The following FAS variants were observed in gnomAD, a reference collection of about 807,000 sequenced individuals.
FAS encodes Fas cell surface death receptor.
Under a neutral mutation model 33.2 loss-of-function variants are expected in FAS, and 5 were observed. That is an observed-to-expected ratio of 0.15 (90% CI 0.08 to 0.32). FAS has a LOEUF of 0.32. FAS is among the 10% of genes least tolerant of loss of function. The pLI is 1.00. For missense variants in FAS, 339 were observed against 386.0 expected, an observed-to-expected ratio of 0.88 and a Z score of 1.02; for synonymous variants, 131 against 130.7, an observed-to-expected ratio of 1.00 and a Z score of -0.01.
intron 1 of FAS, among the ~76,000 whole-genome samples, chr10:88,991,814 T>G (rs1209620628): frequency 6.6e-6 from 1 of 152,168 alleles, no homozygotes; most frequent in Admixed American, 6.5e-5. Flanking sequence ...CAGCCTGTTT[T>G]GAAAAGTCCC....
chr10:88,994,853 C>T (rs912849185), intron 1 of FAS, among the ~76,000 whole-genome samples: 1 of 149,940 alleles, frequency 6.7e-6, no homozygotes, highest in Admixed American at 6.6e-5. Context: ...TTATAATTTA[C>T]TATTGAAAAA....
At chr10:89,014,017 A>G in intron 8 of FAS, 102 bp from the exon 9 acceptor site, 1 of 1,197,020 alleles carries the variant, frequency 8.4e-7, no homozygotes, top group Non-Finnish European at 1.2e-6. Flanking sequence ...TTTAGGACTT[A>G]GCTATATTCT....
At chr10:88,978,335 C>T (rs529436126) in intron 2 of FAS, among the ~76,000 whole-genome samples, 19 of 150,634 alleles carry the variant, frequency 1.3e-4, no homozygotes, top group African/African-American at 4.6e-4. Flanking sequence ...ACCAGCATGG[C>T]ACATGTATAC....
chr10:89,002,438 C>T lies in FAS; in HGVS notation c.31-591C>T, dbSNP rs142433916. The T allele has an allele frequency of 5.3e-3, 858 of 162,816 alleles. 7 individuals are homozygous for T. Among genetic ancestry groups the T allele is most frequent in the African/African-American group, 0.019 (808 of 41,650 alleles). 10.1% of individuals were successfully genotyped at this position (162,816 alleles called of 1,614,324 possible). A position where few individuals can be genotyped will look rare whatever the true frequency, so the allele number is the denominator to read the frequency against. On this transcript the variant is annotated intron_variant, in intron 1 of 8. Transcript: ENST00000652046. The stretch of plus-strand genomic sequence containing the variant: ...ATCAAGGAGGGCAGGGCACTATACC[C>T]GTAGGGGACTCTCTCTCTCCCTCTG...
At chr10:89,010,722 C>T in intron 5 of FAS, 31 bp from the exon 6 acceptor site, 1 of 1,613,380 alleles carries the variant, frequency 6.2e-7, no homozygotes, top group South Asian at 1.1e-5. Flanking sequence ...TGCTTATTTT[C>T]ATATAAAATG....
intron 2 of FAS, among the ~76,000 whole-genome samples, chr10:88,976,498 T>C (rs1846568020): frequency 6.6e-6 from 1 of 152,238 alleles, no homozygotes; most frequent in South Asian, 2.1e-4. Context: ...ATTTGAATAG[T>C]CCTTCCATTG....
chr10:89,014,010 A>T, intron 8 of FAS, 109 bp from the exon 9 acceptor site: 1 of 1,143,020 alleles, frequency 8.7e-7, no homozygotes, highest in Non-Finnish European at 1.3e-6. Context: ...ATAGACCTTT[A>T]GGACTTAGCT....
intron 2 of FAS, among the ~76,000 whole-genome samples, chr10:88,979,044 T>C (rs1327258498): frequency 6.6e-6 from 1 of 152,062 alleles, no homozygotes; most frequent in Non-Finnish European, 1.5e-5. Flanking sequence ...GTTTTATAAA[T>C]CAGAAAACTG....
At chr10:88,996,600 C>T (rs535665126) in intron 1 of FAS, among the ~76,000 whole-genome samples, 22 of 152,074 alleles carry the variant, frequency 1.4e-4, no homozygotes, top group African/African-American at 4.8e-4. Flanking sequence ...TAAGTGTTCT[C>T]GCCACACACA....
intron 2 of FAS, 127 bp from the exon 3 acceptor site, chr10:89,007,573 C>G: frequency 8.1e-7 from 1 of 1,232,074 alleles, no homozygotes; most frequent in Non-Finnish European, 1.1e-6. Context: ...GTATTTATAT[C>G]TCATTAGCCT....
At chr10:88,976,503 C>G (rs1846568144) in intron 2 of FAS, among the ~76,000 whole-genome samples, 1 of 152,182 alleles carries the variant, frequency 6.6e-6, no homozygotes, top group Admixed American at 6.5e-5. Flanking sequence ...AATAGTCCTT[C>G]CATTGTACTG....
rs374529697 is a variant in FAS at position 89,015,503 on chromosome 10, T to C, written c.*1053T>C. On this transcript the variant is annotated 3_prime_UTR_variant, in exon 9 of 9. Coordinates refer to ENST00000652046, the MANE Select transcript of FAS (RefSeq NM_000043.6). ...ATACATAGCAATGGTAAAATCATCA[T>C]CTGGATTTAGGAATTGCTCTTGTCA... 3.7e-6 allele frequency: 2 copies of C among 534,598 alleles called. No homozygotes were observed. Among genetic ancestry groups the C allele is most frequent in the East Asian group, 7.8e-5 (2 of 25,712 alleles). 33.1% of individuals were successfully genotyped at this position (534,598 alleles called of 1,614,324 possible).
At chr10:88,990,507 T>TCCTCACCCTGACTTCTC, upstream of FAS, 1 of 587,464 alleles carries the variant, frequency 1.7e-6, no homozygotes, top group Non-Finnish European at 3.2e-6. This position sits in a 1 kb window ranked among gnomAD's most constrained non-coding sequence, Gnocchi z 4.9. Context: ...CCTGACTCCT[T>TCCTCACCCTGACTTCTC]CCTCACCCTG....
chr10:89,007,442 T>C (rs1589474849), intron 2 of FAS, among the ~76,000 whole-genome samples: 1 of 152,360 alleles, frequency 6.6e-6, no homozygotes, highest in East Asian at 1.9e-4. Context: ...CCTTCCTTTT[T>C]TTTTGTATGC....
chr10:88,990,663 G>A (rs999004560), upstream of FAS: 10 of 701,528 alleles, frequency 1.4e-5, no homozygotes, highest in Non-Finnish European at 2.3e-5. The surrounding 1 kb of genome is among the most constrained non-coding windows in gnomAD (Gnocchi z 4.9). Context: ...TCGCGCAAGA[G>A]TGACACACAG....
At chr10:88,985,646 C>T (rs560478309), upstream of FAS, among the ~76,000 whole-genome samples, 7 of 152,268 alleles carry the variant, frequency 4.6e-5, no homozygotes, top group African/African-American at 1.2e-4. Flanking sequence ...GTAAAGAGTC[C>T]CCCACCCCCA....
rs1310109462 is a variant in FAS at position 89,015,057 on chromosome 10, AT to A, written c.*609del. On this transcript the variant is annotated 3_prime_UTR_variant, in exon 9 of 9. Coordinates refer to ENST00000652046, the MANE Select transcript of FAS (RefSeq NM_000043.6). The stretch of plus-strand genomic sequence containing the variant: ...TGGTGTCATATTATACAATATTTCA[AT>A]TGTGAATTCACATAGAAAACATTAA... 1.9e-5 allele frequency: 10 copies of A among 534,202 alleles called. No individual in the cohort carries two copies. Among genetic ancestry groups the A allele is most frequent in the Non-Finnish European group, 2.9e-5 (8 of 276,344 alleles). 33.1% of individuals were successfully genotyped at this position (534,202 alleles called of 1,614,324 possible).
At chr10:89,008,270 T>G (rs1848346988) in intron 3 of FAS, among the ~76,000 whole-genome samples, 1 of 152,226 alleles carries the variant, frequency 6.6e-6, no homozygotes, top group Non-Finnish European at 1.5e-5. Context: ...TAATTCCATC[T>G]GGGGACCTGA....
chr10:88,994,679 T>C (rs1274949180), intron 1 of FAS, among the ~76,000 whole-genome samples: 2 of 152,112 alleles, frequency 1.3e-5, no homozygotes, highest in Non-Finnish European at 2.9e-5. Context: ...TTGAGCTATA[T>C]ATAGTCTGTT....
Sources: allele counts gnomAD v4.1 joint callset (sites outside exome capture counted in the v4.1 genomes callset), GRCh38; gene constraint gnomAD v4.1.1; non-coding constraint Gnocchi (gnomAD v3.1); transcripts MANE v1.5; gene names NCBI Gene and HGNC (gene_info 2026-07-23, HGNC 2026-07-21).